Variants in HAPLN1 observed in about 807,000 individuals in gnomAD.
HAPLN1 encodes hyaluronan and proteoglycan link protein 1.
In HAPLN1, 13 loss-of-function variants were observed where a neutral mutation model predicts 36.5. The ratio of observed to expected loss-of-function variants is 0.36; its 90% CI spans 0.23 to 0.57. The LOEUF (loss-of-function observed/expected upper bound fraction) is 0.57, where lower values mean the gene tolerates loss of function less well. Ranked by LOEUF, HAPLN1 falls within the 20% of genes least tolerant of loss-of-function variation. HAPLN1 has a pLI of 0.83. For missense variants in HAPLN1, 407 were observed against 439.7 expected (o/e 0.93, Z 0.66); for synonymous variants, 202 against 169.8 (o/e 1.19, Z -1.48).
chr5:83,698,144 G>T (rs1301931634), intron 1 of HAPLN1, among the ~76,000 whole-genome samples: 1 of 151,968 alleles, frequency 6.6e-6, no homozygotes, highest in Non-Finnish European at 1.5e-5. Context: ...TATAGTTTTA[G>T]TTCTTATATT....
chr5:83,719,066 C>T (rs1345407341), intron 1 of HAPLN1, among the ~76,000 whole-genome samples: 1 of 152,158 alleles, frequency 6.6e-6, no homozygotes, highest in East Asian at 1.9e-4. Context: ...GTGTTACTTG[C>T]TCCCAAAGGA....
chr5:83,639,500 A>C lies in HAPLN1; in HGVS notation c.*1996T>G, dbSNP rs1451255267. 1 of 152,096 alleles carries C rather than the reference A, an allele frequency of 6.6e-6. No homozygotes were observed. The highest frequency in any genetic ancestry group is 2.4e-5 in the African/African-American group (1 of 41,452). 9.4% of individuals were successfully genotyped at this position (152,096 alleles called of 1,614,324 possible). The stretch of plus-strand genomic sequence containing the variant: ...TTTGTTCCCACTTGTATTTTCAACA[A>C]AATTATCGGAACATACATAATAATA... On this transcript the variant is annotated 3_prime_UTR_variant, in exon 5 of 5. Transcript: ENST00000274341.
chr5:83,645,974 T>A (rs1234107381), intron 3 of HAPLN1, among the ~76,000 whole-genome samples: 1 of 152,194 alleles, frequency 6.6e-6, no homozygotes, highest in African/African-American at 2.4e-5. Context: ...GTTAAATATT[T>A]TGAGGACAAA....
At chr5:83,703,632 T>A (rs747512096) in intron 1 of HAPLN1, 2 of 152,046 alleles carry the variant, frequency 1.3e-5, no homozygotes, top group Non-Finnish European at 2.9e-5. Flanking sequence ...GTCAGACTTA[T>A]GAGGACTTAT....
intron 1 of HAPLN1, among the ~76,000 whole-genome samples, chr5:83,685,425 G>C (rs1331789419): frequency 6.6e-6 from 1 of 152,070 alleles, no homozygotes; most frequent in Non-Finnish European, 1.5e-5. Flanking sequence ...TACACAACCT[G>C]TAAAACTATA....
At chr5:83,660,118 C>T (rs1355121554) in intron 2 of HAPLN1, among the ~76,000 whole-genome samples, 1 of 152,094 alleles carries the variant, frequency 6.6e-6, no homozygotes, top group Non-Finnish European at 1.5e-5. Context: ...GTTTTGCCTT[C>T]CTGTTGAGAT....
intron 3 of HAPLN1, among the ~76,000 whole-genome samples, chr5:83,645,741 AT>A (rs1028452550): frequency 1.3e-5 from 2 of 151,528 alleles, no homozygotes; most frequent in Non-Finnish European, 2.9e-5. Flanking sequence ...CCTTAATCTT[AT>A]TTTTTTTCCC....
At chr5:83,652,397 A>G (rs2045380) in intron 3 of HAPLN1, 56 bp downstream of exon 3, 188,004 of 1,527,538 alleles carry the variant, frequency 0.12, 12,206 homozygotes, top group South Asian at 0.2. Context: ...CTTCATGAAA[A>G]AAAAAGCAAC....
intron 2 of HAPLN1, among the ~76,000 whole-genome samples, chr5:83,663,471 T>TC (rs1353033035): frequency 6.6e-6 from 1 of 152,074 alleles, no homozygotes; most frequent in Non-Finnish European, 1.5e-5. Context: ...ATCTGCATAT[T>TC]CCCCCTCCCC....
chr5:83,641,852 C>A, intron 4 of HAPLN1, 67 bp from the exon 5 acceptor site: 3 of 1,488,050 alleles, frequency 2.0e-6, no homozygotes, highest in Admixed American at 4.0e-5. Flanking sequence ...ATAGAAAGAG[C>A]CAAAAACGGA....
intron 1 of HAPLN1, among the ~76,000 whole-genome samples, chr5:83,678,557 T>G (rs1750916885): frequency 6.6e-6 from 1 of 152,178 alleles, no homozygotes; most frequent in Non-Finnish European, 1.5e-5. Flanking sequence ...GGCTGTGGAC[T>G]TTGGATGATT....
chr5:83,705,927 C>T (rs1239630899), intron 1 of HAPLN1, among the ~76,000 whole-genome samples: 2 of 151,864 alleles, frequency 1.3e-5, no homozygotes, highest in Admixed American at 6.6e-5. Context: ...TTAATAAAAA[C>T]AACCATCAGA....
intron 1 of HAPLN1, among the ~76,000 whole-genome samples, chr5:83,696,006 C>T (rs1379045719): frequency 6.6e-6 from 1 of 151,954 alleles, no homozygotes; most frequent in Non-Finnish European, 1.5e-5. Context: ...GATAACATGA[C>T]AGTCTACACA....
At chr5:83,716,376 T>G (rs568672176) in intron 1 of HAPLN1, among the ~76,000 whole-genome samples, 1 of 152,318 alleles carries the variant, frequency 6.6e-6, no homozygotes, top group East Asian at 1.9e-4. Context: ...TTCCAAGTTA[T>G]TTTTACTCTG....
rs975143594 is a variant in HAPLN1 at position 83,673,435 on chromosome 5, A to G, written c.89T>C (p.Ile30Thr). ...CTGTGTTTCCTTACCTTGGATGTGA[A>G]TAGCTCTGTCATGATCCAGAGTATA... The part of the protein sequence containing the change: ...DNYTLDHDRA[I>T]HIQAENGPHL... Residue 30 changes from isoleucine to threonine, a missense_variant, in exon 2 of 5, where the codon ATT (isoleucine) becomes ACT (threonine). By Grantham distance (89) the Ile-to-Thr change is moderately conservative. Coordinates refer to ENST00000274341, the MANE Select transcript of HAPLN1 (RefSeq NM_001884.4). 4.4e-6 allele frequency: 7 copies of G among 1,598,046 alleles called. No homozygotes were observed. In the African/African-American group the frequency reaches 8.1e-5, roughly 19 times the overall value.
intron 1 of HAPLN1, among the ~76,000 whole-genome samples, chr5:83,690,076 GA>G (rs754521289): frequency 4.3e-4 from 66 of 151,928 alleles, no homozygotes; most frequent in Non-Finnish European, 1.9e-4. Context: ...ACTAATTGAG[GA>G]GGCAATCTTC....
At chr5:83,673,997 A>G (rs1047177865) in intron 1 of HAPLN1, 8 of 152,772 alleles carry the variant, frequency 5.2e-5, no homozygotes, top group African/African-American at 1.9e-4. Context: ...TAATATTTGC[A>G]TGAAACTTGA....
intron 2 of HAPLN1, among the ~76,000 whole-genome samples, chr5:83,670,643 A>G (rs1166105013): frequency 2.6e-5 from 4 of 152,050 alleles, no homozygotes; most frequent in Non-Finnish European, 5.9e-5. Flanking sequence ...ATAGGGGTCT[A>G]CACTTGCTAT....
At chr5:83,680,549 A>G (rs1177236965) in intron 1 of HAPLN1, among the ~76,000 whole-genome samples, 1 of 152,212 alleles carries the variant, frequency 6.6e-6, no homozygotes, top group Non-Finnish European at 1.5e-5. Context: ...CATGTGTTCC[A>G]TAATTAATAG....
Sources: gnomAD v4.1 joint callset for allele counts (sites outside exome capture counted in the v4.1 genomes callset) on GRCh38, gnomAD v4.1.1 for gene constraint, MANE v1.5 for transcripts, NCBI Gene and HGNC (gene_info 2026-07-23, HGNC 2026-07-21) for gene names.